Variants in PHEX observed in about 807,000 individuals in gnomAD.
The protein encoded by PHEX is phosphate-regulating neutral endopeptidase PHEX.
Under a neutral mutation model 68.0 loss-of-function variants are expected in PHEX, and 16 were observed. That is an observed-to-expected ratio of 0.24 (90% CI 0.16 to 0.36). The LOEUF (loss-of-function observed/expected upper bound fraction) is 0.36. PHEX is among the 10% of genes least tolerant of loss of function. The probability of loss-of-function intolerance (pLI) is 1.00; values close to 1 mark genes in which losing one functional copy is unlikely to be tolerated. For synonymous variants in PHEX, 208 were observed against 205.1 expected, an observed-to-expected ratio of 1.01 and a Z score of -0.12; for missense variants, 480 against 575.5, an observed-to-expected ratio of 0.83 and a Z score of 1.70.
At chrX:22,231,870 A>G (rs983908389) in intron 20 of PHEX, among the ~76,000 whole-genome samples, 13 of 111,761 alleles carry the variant, frequency 1.2e-4, no homozygotes, top group African/African-American at 3.6e-4. Context: ...TAGGGTGTCA[A>G]TTTTAGATCT....
chrX:22,155,769 T>C (rs1379930593), intron 12 of PHEX, among the ~76,000 whole-genome samples: 3 of 111,990 alleles, frequency 2.7e-5, no homozygotes, highest in African/African-American at 9.7e-5. Context: ...GATGAAACTT[T>C]CCGAAAAGAT....
chrX:22,145,483 T>A (rs1932654518), intron 12 of PHEX, among the ~76,000 whole-genome samples: 1 of 110,874 alleles, frequency 9.0e-6, no homozygotes, highest in Non-Finnish European at 1.9e-5. Flanking sequence ...AGGCATGGTG[T>A]CATGCACGTG....
intron 11 of PHEX, among the ~76,000 whole-genome samples, chrX:22,115,513 A>C (rs761746998): frequency 2.9e-4 from 32 of 111,943 alleles, no homozygotes; most frequent in African/African-American, 9.7e-4. Context: ...TAGTAACTAT[A>C]GTCACCATGC....
chrX:22,145,345 T>G (rs1932645967), intron 12 of PHEX, among the ~76,000 whole-genome samples: 1 of 112,035 alleles, frequency 8.9e-6, no homozygotes, highest in Non-Finnish European at 1.9e-5. Context: ...GCGCAGAGGC[T>G]TACGCCTGTA....
chrX:22,218,931 G>T (rs967070236), intron 16 of PHEX, 105 bp from the exon 17 acceptor site: 51 of 566,706 alleles, frequency 9.0e-5, no homozygotes, highest in Non-Finnish European at 1.5e-4. Context: ...TATTACCATG[G>T]TTACTAGAAA....
chrX:22,037,825 C>T (rs770542981), intron 1 of PHEX, among the ~76,000 whole-genome samples: 3 of 110,660 alleles, frequency 2.7e-5, no homozygotes, highest in South Asian at 3.8e-4. Context: ...TTTTTTGGTC[C>T]GTATCTGTAT....
chrX:22,043,183 T>A (rs1876068821), intron 2 of PHEX, among the ~76,000 whole-genome samples: 1 of 112,554 alleles, frequency 8.9e-6, no homozygotes, highest in Non-Finnish European at 1.9e-5. Context: ...GAGTTTCAGA[T>A]AAGTGATTGT....
intron 9 of PHEX, among the ~76,000 whole-genome samples, chrX:22,109,203 C>T (rs1321558059): frequency 9.0e-6 from 1 of 111,389 alleles, no homozygotes; most frequent in Non-Finnish European, 1.9e-5. Flanking sequence ...CTAACAAGAA[C>T]AAGGACAATG....
chrX:22,144,772 G>C (rs1233654104), intron 12 of PHEX, among the ~76,000 whole-genome samples: 1 of 105,522 alleles, frequency 9.5e-6, no homozygotes, highest in Non-Finnish European at 1.9e-5. Flanking sequence ...TGGTTGATTT[G>C]AATCAGTATC....
In PHEX at chrX:22,114,559, G is replaced by A; in HGVS notation, c.1275G>A (p.Val425=). The A allele has an allele frequency of 8.3e-7, 1 of 1,204,704 alleles. No individual in the cohort carries two copies. Among genetic ancestry groups the A allele is most frequent in the South Asian group, 1.8e-5 (1 of 56,828 alleles). Residue 425 remains valine (V), a synonymous_variant, in exon 11 of 22, where the codon GTG becomes GTA. Transcript: ENST00000379374. ...TTGTTGGAAAGATGTTTGTAGATGT[G>A]TACTTCCAGGAAGATAAGAAGGAAA... The part of the protein sequence containing the change: ...PYVVGKMFVD[V]YFQEDKKEMM...
At chrX:22,149,571 T>G (rs1030337009) in intron 12 of PHEX, among the ~76,000 whole-genome samples, 1 of 112,024 alleles carries the variant, frequency 8.9e-6, no homozygotes, top group African/African-American at 3.2e-5. Flanking sequence ...CTGGCCAACA[T>G]GGCAAAACCC....
chrX:22,156,241 A>G (rs765016217), intron 12 of PHEX, among the ~76,000 whole-genome samples: 2 of 110,609 alleles, frequency 1.8e-5, no homozygotes, highest in South Asian at 3.9e-4. Flanking sequence ...TGAGAAATAT[A>G]TGAGGGGACC....
At chrX:22,230,387 T>TATTG (rs1213824553) in intron 20 of PHEX, among the ~76,000 whole-genome samples, 1 of 108,256 alleles carries the variant, frequency 9.2e-6, no homozygotes, top group Non-Finnish European at 1.9e-5. Context: ...ATTTTCACGA[T>TATTG]ATTGATTCTT....
intron 9 of PHEX, among the ~76,000 whole-genome samples, chrX:22,107,883 A>T (rs1020149083): frequency 8.9e-6 from 1 of 111,867 alleles, no homozygotes; most frequent in African/African-American, 3.2e-5. Context: ...GGTGCTCAGG[A>T]TGTGTTGATT....
intron 9 of PHEX, among the ~76,000 whole-genome samples, chrX:22,107,346 A>C (rs1449333718): frequency 8.9e-6 from 1 of 112,153 alleles, no homozygotes; most frequent in East Asian, 2.8e-4. Flanking sequence ...TTTTGAACTG[A>C]TGAAAGGACA....
chrX:22,150,344 T>C (rs1414665012), intron 12 of PHEX, among the ~76,000 whole-genome samples: 1 of 111,285 alleles, frequency 9.0e-6, no homozygotes, highest in East Asian at 2.8e-4. Flanking sequence ...CCGATGCTGC[T>C]GGACAATGGC....
At chrX:22,178,658 A>C (rs1933787767) in intron 14 of PHEX, among the ~76,000 whole-genome samples, 1 of 112,134 alleles carries the variant, frequency 8.9e-6, no homozygotes, top group African/African-American at 3.2e-5. Context: ...AGTTATGAAT[A>C]TATAGAGAGG....
At chrX:22,203,606 C>A (rs1328608918) in intron 15 of PHEX, among the ~76,000 whole-genome samples, 3 of 111,134 alleles carry the variant, frequency 2.7e-5, no homozygotes, top group African/African-American at 6.6e-5. Flanking sequence ...TGACTGATGG[C>A]CCCCTAGATT....
chrX:22,232,139 T>G lies in PHEX; in HGVS notation c.2070+4528T>G, dbSNP rs142173671. Among the ~76,000 whole-genome samples the G allele has an allele frequency of 4.3e-3, 482 of 111,792 alleles. 5 individuals are homozygous for G. The highest frequency in any genetic ancestry group is 0.015 in the African/African-American group (471 of 30,757). Reference sequence around the variant, plus strand: ...TTGCACTGAGGTCTGAGAGACTGTTTGTTATGATTTTCTTTCTTTCTTTTG... The same window carrying G: ...TTGCACTGAGGTCTGAGAGACTGTTGGTTATGATTTTCTTTCTTTCTTTTG... On this transcript the variant is annotated intron_variant, in intron 20 of 21. Coordinates refer to ENST00000379374, the MANE Select transcript of PHEX (RefSeq NM_000444.6).
Sources: allele counts gnomAD v4.1 joint callset (sites outside exome capture counted in the v4.1 genomes callset), GRCh38; gene constraint gnomAD v4.1.1; transcripts MANE v1.5; gene names NCBI Gene and HGNC (gene_info 2026-07-23, HGNC 2026-07-21).